FGGY: variants seen among roughly 807,000 people sequenced by gnomAD.
The protein encoded by FGGY is FGGY carbohydrate kinase domain-containing protein.
A neutral mutation model predicts 71.3 loss-of-function variants in FGGY; 72 were observed. That is an observed-to-expected ratio of 1.01 (90% CI 0.84 to 1.23). FGGY has a LOEUF of 1.23. FGGY is among the 50% of genes most tolerant of loss of function. The pLI, the probability that FGGY is intolerant of heterozygous loss-of-function variation, is 0.00. For missense variants in FGGY, 668 were observed against 682.3 expected, an observed-to-expected ratio of 0.98 and a Z score of 0.23; for synonymous variants, 251 against 250.3, an observed-to-expected ratio of 1.00 and a Z score of -0.02.
At chr1:59,397,805 A>G (rs1297683931) in intron 5 of FGGY, among the ~76,000 whole-genome samples, 3 of 152,218 alleles carry the variant, frequency 2.0e-5, no homozygotes, top group Non-Finnish European at 4.4e-5. Context: ...GCCTTTGCTC[A>G]TTCACAGGGA....
Position 59,563,908 on chromosome 1 carries a change from A to G in FGGY, c.903+9681A>G, listed in dbSNP as rs540873534. Among the ~76,000 whole-genome samples the G allele has an allele frequency of 6.0e-4, 92 of 152,284 alleles. 1 individual carries two copies. Among genetic ancestry groups the G allele is most frequent in the African/African-American group, 2.2e-3 (91 of 41,574 alleles). Reference sequence around the variant, plus strand: ...ACCACACATCTACAACCATCTGATCATTGACAAACCTGACAAAAACAAGGA... The same window carrying G: ...ACCACACATCTACAACCATCTGATCGTTGACAAACCTGACAAAAACAAGGA... On this transcript the variant is annotated intron_variant, in intron 8 of 15. Transcript: ENST00000303721.
intron 11 of FGGY, among the ~76,000 whole-genome samples, chr1:59,659,818 G>A (rs1462257111): frequency 6.6e-6 from 1 of 152,162 alleles, no homozygotes; most frequent in Non-Finnish European, 1.5e-5. Context: ...AAGTCTGACA[G>A]TAGCAGAACT....
intron 6 of FGGY, among the ~76,000 whole-genome samples, chr1:59,482,824 T>C (rs2093536257): frequency 6.6e-6 from 1 of 152,042 alleles, no homozygotes; most frequent in African/African-American, 2.4e-5. Flanking sequence ...ATCTAGTTAT[T>C]ACAAAAGTTG....
At chr1:59,636,802 T>C (rs1299804412) in intron 10 of FGGY, among the ~76,000 whole-genome samples, 1 of 152,194 alleles carries the variant, frequency 6.6e-6, no homozygotes, top group African/African-American at 2.4e-5. Context: ...AAACTAGAAC[T>C]AGAAATCACT....
intron 4 of FGGY, among the ~76,000 whole-genome samples, chr1:59,372,196 A>G (rs2057780268): frequency 6.6e-6 from 1 of 152,194 alleles, no homozygotes; most frequent in Non-Finnish European, 1.5e-5. Flanking sequence ...AGAAGAATCA[A>G]ATAGACGCAA....
At chr1:59,623,829 T>C (rs571453557) in intron 9 of FGGY, among the ~76,000 whole-genome samples, 1 of 152,308 alleles carries the variant, frequency 6.6e-6, no homozygotes, top group Non-Finnish European at 1.5e-5. Context: ...GGAGGCACAT[T>C]AGGCATTTAG....
intron 7 of FGGY, among the ~76,000 whole-genome samples, chr1:59,535,771 T>G (rs1355557307): frequency 6.7e-6 from 1 of 148,438 alleles, no homozygotes; most frequent in East Asian, 2.0e-4. Context: ...ATAAAGATCT[T>G]CTTTGAAACC....
chr1:59,674,121 C>A lies in FGGY; in HGVS notation c.1500C>A (p.Phe500Leu). The A allele has an allele frequency of 6.2e-7, 1 of 1,613,634 alleles. No homozygotes were observed. The highest frequency in any genetic ancestry group is 8.5e-7 in the Non-Finnish European group (1 of 1,179,784). Residue 500 changes from phenylalanine (F) to leucine (L), a missense_variant, in exon 14 of 16, where the codon TTC becomes TTA. Coordinates refer to ENST00000303721, the MANE Select transcript of FGGY (RefSeq NM_018291.5). ...AVLGACASGD[F>L]ASVQEAMAKM... Reference sequence around the variant, plus strand: ...TGGGTGCCTGTGCCTCAGGGGATTTCGCTTCTGTACAGGTATGTGAAGACC... The same window carrying A: ...TGGGTGCCTGTGCCTCAGGGGATTTAGCTTCTGTACAGGTATGTGAAGACC...
chr1:59,376,877 T>C (rs1183149115), intron 4 of FGGY, among the ~76,000 whole-genome samples: 1 of 152,248 alleles, frequency 6.6e-6, no homozygotes, highest in Admixed American at 6.5e-5. Context: ...TTCTTTACTA[T>C]TCTGTTTTTG....
At chr1:59,516,940 T>G (rs2094671376) in intron 7 of FGGY, among the ~76,000 whole-genome samples, 1 of 152,068 alleles carries the variant, frequency 6.6e-6, no homozygotes, top group South Asian at 2.1e-4. Flanking sequence ...CAAGCAAAAC[T>G]CAACCCATGC....
At chr1:59,402,882 C>T (rs1304528952) in intron 5 of FGGY, among the ~76,000 whole-genome samples, 1 of 152,116 alleles carries the variant, frequency 6.6e-6, no homozygotes, top group Non-Finnish European at 1.5e-5. Context: ...CTGGAGTACC[C>T]ATCAAGTCTG....
At chr1:59,554,896 C>T (rs1403376628) in intron 8 of FGGY, among the ~76,000 whole-genome samples, 1 of 152,090 alleles carries the variant, frequency 6.6e-6, no homozygotes, top group Non-Finnish European at 1.5e-5. Context: ...AAACTTAAAT[C>T]GACGACTCTT....
intron 14 of FGGY, among the ~76,000 whole-genome samples, chr1:59,703,057 C>A (rs557842877): frequency 6.6e-6 from 1 of 152,128 alleles, no homozygotes; most frequent in African/African-American, 2.4e-5. Flanking sequence ...TTATACTCCA[C>A]GTAGGGAGCC....
chr1:59,681,570 AT>A (rs2097499177), intron 14 of FGGY, among the ~76,000 whole-genome samples: 1 of 152,224 alleles, frequency 6.6e-6, no homozygotes, highest in Non-Finnish European at 1.5e-5. Context: ...TAAGTAATTA[AT>A]TCCTCACTCT....
At chr1:59,670,717 GA>G (rs5774478) in intron 13 of FGGY, among the ~76,000 whole-genome samples, 122,019 of 150,966 alleles carry the variant, frequency 0.81, 49,374 homozygotes, top group East Asian at 0.86. Flanking sequence ...GCATTTGAGG[GA>G]AAAAAAAAAG....
At chr1:59,749,280 G>A (rs538538839) in intron 14 of FGGY, among the ~76,000 whole-genome samples, 2 of 152,310 alleles carry the variant, frequency 1.3e-5, no homozygotes, top group South Asian at 4.1e-4. Context: ...GCCTTGGGGG[G>A]TGGAGTTTGT....
chr1:59,380,657 A>G (rs983739003), intron 5 of FGGY, among the ~76,000 whole-genome samples: 26 of 151,324 alleles, frequency 1.7e-4, no homozygotes, highest in Non-Finnish European at 2.2e-4. Flanking sequence ...TTTTCTTGTA[A>G]ATTTGTTTGA....
intron 14 of FGGY, among the ~76,000 whole-genome samples, chr1:59,714,643 T>G (rs1440780550): frequency 1.3e-5 from 2 of 152,146 alleles, no homozygotes; most frequent in African/African-American, 4.8e-5. Flanking sequence ...TCTTCTCAGC[T>G]ACAGTACCAG....
Position 59,739,548 on chromosome 1 carries a change from G to T in FGGY, c.1513-18383G>T, listed in dbSNP as rs115673758. On this transcript the variant is annotated intron_variant, in intron 14 of 15. Transcript: ENST00000303721. ...CAGGTGGGAAGGTAAGGTGGAAAAT[G>T]CTTTCCAGCTAAACAGACCTGTCTG... Among the ~76,000 whole-genome samples, 746 of 152,278 alleles carry T rather than the reference G, an allele frequency of 4.9e-3. 7 individuals are homozygous for T. Among genetic ancestry groups the T allele is most frequent in the African/African-American group, 0.017 (700 of 41,548 alleles).
Sources: gnomAD v4.1 joint callset for allele counts (sites outside exome capture counted in the v4.1 genomes callset) on GRCh38, gnomAD v4.1.1 for gene constraint, MANE v1.5 for transcripts, NCBI Gene and HGNC (gene_info 2026-07-23, HGNC 2026-07-21) for gene names.